The following PDE8A variants were observed in gnomAD, a reference collection of about 807,000 sequenced individuals.
The protein encoded by PDE8A is phosphodiesterase 8A, also known as high affinity cAMP-specific and IBMX-insensitive 3',5'-cyclic phosphodiesterase 8A.
PDE8A carries 59 observed loss-of-function variants against 105.0 expected under a neutral mutation model. The observed-to-expected ratio is 0.56, with a 90% confidence interval of 0.46 to 0.70. PDE8A has a LOEUF of 0.70. Ranked by LOEUF, PDE8A falls within the 30% of genes least tolerant of loss-of-function variation. The pLI is 0.00. For synonymous variants in PDE8A, 355 were observed against 371.9 expected (o/e 0.95, Z 0.52); for missense variants, 1,014 against 1,045.9 (o/e 0.97, Z 0.42).
chr15:85,096,118 A>C (rs1185020372), intron 8 of PDE8A, among the ~76,000 whole-genome samples: 4 of 149,402 alleles, frequency 2.7e-5, no homozygotes, highest in African/African-American at 9.9e-5. Context: ...CTCGTGATCC[A>C]CTCGCCTCAG....
At chr15:85,075,792 A>G (rs2081371787) in intron 3 of PDE8A, 70 bp from the exon 4 acceptor site, 10 of 826,808 alleles carry the variant, frequency 1.2e-5, no homozygotes, top group Non-Finnish European at 1.9e-5. Context: ...AATTGTTGTA[A>G]TTGTTTAAGT....
At chr15:85,055,832 T>C (rs2081050662) in intron 1 of PDE8A, among the ~76,000 whole-genome samples, 1 of 152,206 alleles carries the variant, frequency 6.6e-6, no homozygotes, top group Non-Finnish European at 1.5e-5. Context: ...TTGTTATGTG[T>C]GAATTTGATC....
intron 4 of PDE8A, 52 bp downstream of exon 4, chr15:85,075,970 C>A: frequency 1.0e-6 from 1 of 976,890 alleles, no homozygotes; most frequent in Non-Finnish European, 1.6e-6. Flanking sequence ...GTAATACTTG[C>A]TCTTAACAGA....
chr15:85,084,231 G>A (rs930444391), intron 6 of PDE8A, among the ~76,000 whole-genome samples: 7 of 152,092 alleles, frequency 4.6e-5, no homozygotes, highest in Non-Finnish European at 8.8e-5. Flanking sequence ...CTTTACTAGG[G>A]ATCAAAGAGA....
intron 1 of PDE8A, among the ~76,000 whole-genome samples, chr15:84,987,571 AAGC>A (rs2142143939): frequency 6.7e-6 from 1 of 149,646 alleles, no homozygotes; most frequent in African/African-American, 2.5e-5. Flanking sequence ...TCCCGGGTCG[AAGC>A]AATTCGCATG....
At chr15:85,090,337 A>G (rs1010994569) in intron 7 of PDE8A, among the ~76,000 whole-genome samples, 2 of 152,202 alleles carry the variant, frequency 1.3e-5, no homozygotes, top group Non-Finnish European at 2.9e-5. Context: ...ATGTATGTGA[A>G]GTGTTTACTA....
At chr15:85,041,691 C>T (rs151121317) in intron 1 of PDE8A, among the ~76,000 whole-genome samples, 27 of 152,282 alleles carry the variant, frequency 1.8e-4, no homozygotes, top group Non-Finnish European at 3.7e-4. Flanking sequence ...TAGGAAGATG[C>T]ACCCCTAGGA....
chr15:84,993,270 C>T (rs544719458), intron 1 of PDE8A, among the ~76,000 whole-genome samples: 162 of 151,522 alleles, frequency 1.1e-3, no homozygotes, highest in South Asian at 4.4e-3. Context: ...GGTGAAACCC[C>T]GTCTCTTCTA....
intron 6 of PDE8A, among the ~76,000 whole-genome samples, chr15:85,087,427 T>C (rs1365241282): frequency 6.6e-6 from 1 of 152,184 alleles, no homozygotes. Context: ...CTTGAACACC[T>C]GGACTCAAGC....
At chr15:85,066,938 C>T (rs2081238869) in intron 2 of PDE8A, 76 bp from the exon 3 acceptor site, 4 of 1,162,504 alleles carry the variant, frequency 3.4e-6, no homozygotes, top group South Asian at 3.0e-5. Flanking sequence ...GACTCTGTCT[C>T]AAGAAAAAAA....
At chr15:85,048,915 A>G (rs1193972467) in intron 1 of PDE8A, among the ~76,000 whole-genome samples, 1 of 152,204 alleles carries the variant, frequency 6.6e-6, no homozygotes, top group Non-Finnish European at 1.5e-5. Context: ...ACCCTGGCCA[A>G]TATGGCAAAA....
At position 85,137,557 on chromosome 15, in the gene PDE8A, G is replaced by A. The variant is rs997849589; in HGVS notation, c.2384-240G>A. On this transcript the variant is annotated intron_variant, in intron 21 of 21. Transcript: ENST00000394553. Reference sequence around the variant, plus strand: ...TAATTAAGCAGATTAGCCACCTTCTGTTTTATTTACCACAGTTACCAGCTC... The same window carrying A: ...TAATTAAGCAGATTAGCCACCTTCTATTTTATTTACCACAGTTACCAGCTC... Among the ~76,000 whole-genome samples the A allele has an allele frequency of 1.1e-4, 17 of 152,178 alleles. 1 individual carries two copies. The highest frequency in any genetic ancestry group is 1.1e-3 in the Admixed American group (17 of 15,284).
chr15:85,081,061 G>A (rs1377872388), intron 5 of PDE8A, among the ~76,000 whole-genome samples: 1 of 152,202 alleles, frequency 6.6e-6, no homozygotes, highest in Non-Finnish European at 1.5e-5. Flanking sequence ...GTGACAAAAG[G>A]ATGCTCAGGT....
At chr15:85,114,928 G>A (rs943028141) in intron 14 of PDE8A, among the ~76,000 whole-genome samples, 5 of 152,132 alleles carry the variant, frequency 3.3e-5, no homozygotes, top group African/African-American at 9.7e-5. Flanking sequence ...TTTGGGCCAG[G>A]TGGTCTGGAA....
At chr15:85,127,111 C>T (rs56191600) in intron 20 of PDE8A, among the ~76,000 whole-genome samples, 13,342 of 152,004 alleles carry the variant, frequency 0.088, 1,615 homozygotes, top group African/African-American at 0.28. Flanking sequence ...GCAGGAGGAT[C>T]GCTTGAAGCC....
chr15:85,013,910 T>C (rs771891843), intron 1 of PDE8A, among the ~76,000 whole-genome samples: 2 of 152,158 alleles, frequency 1.3e-5, no homozygotes, highest in African/African-American at 2.4e-5. Context: ...TTCCTCTCCA[T>C]GTGTGTCAGC....
intron 1 of PDE8A, among the ~76,000 whole-genome samples, chr15:85,040,269 C>A (rs1296397377): frequency 6.8e-6 from 1 of 147,648 alleles, no homozygotes; most frequent in Non-Finnish European, 1.5e-5. Context: ...ATAGCAAGAC[C>A]TCTTCTCAAC....
intron 1 of PDE8A, among the ~76,000 whole-genome samples, chr15:85,056,448 A>G (rs544803727): frequency 6.6e-5 from 10 of 152,258 alleles, no homozygotes; most frequent in East Asian, 1.9e-4. Flanking sequence ...AGGTACACCA[A>G]TCAGACGTAG....
In PDE8A at chr15:85,120,973, C is replaced by T. The variant is rs775700508; in HGVS notation, c.1911C>T (p.Thr637=). 95 of 1,613,182 alleles carry T rather than the reference C, an allele frequency of 5.9e-5. No homozygotes were observed. The highest frequency in any genetic ancestry group is 7.9e-5 in the Non-Finnish European group (93 of 1,179,416). Residue 637 remains threonine, a synonymous_variant, in exon 18 of 22, where the codon ACC becomes ACT. Transcript: ENST00000394553. ...SHHAALAFQL[T]TGDDKCNIFK... ...ATGCGGCCTTGGCCTTCCAGCTGAC[C>T]ACTGGAGATGATAAATGCAATATAT...
Sources: allele counts gnomAD v4.1 joint callset (sites outside exome capture counted in the v4.1 genomes callset), GRCh38; gene constraint gnomAD v4.1.1; transcripts MANE v1.5; gene names NCBI Gene and HGNC (gene_info 2026-07-23, HGNC 2026-07-21).